Variants in RNF111 observed in about 807,000 individuals in gnomAD.
The protein encoded by RNF111 is ring finger protein 111, also known as E3 ubiquitin-protein ligase Arkadia.
Under a neutral mutation model 95.1 loss-of-function variants are expected in RNF111, and 17 were observed. The ratio of observed to expected loss-of-function variants is 0.18; its 90% CI spans 0.12 to 0.27. The LOEUF (loss-of-function observed/expected upper bound fraction) is 0.27. RNF111 is among the 10% of genes least tolerant of loss of function. The pLI, the probability that RNF111 is intolerant of heterozygous loss-of-function variation, is 1.00. For synonymous variants in RNF111, 440 were observed against 414.8 expected (o/e 1.06, Z -0.74); for missense variants, 1,189 against 1,210.4 (o/e 0.98, Z 0.26).
chr15:59,028,822 C>G (rs1177095210), intron 1 of RNF111, among the ~76,000 whole-genome samples: 1 of 148,828 alleles, frequency 6.7e-6, no homozygotes, highest in East Asian at 2.0e-4. Flanking sequence ...CTCTGTTGCT[C>G]AAGCTGGACT....
chr15:59,079,354 C>A (rs980527163), intron 7 of RNF111, among the ~76,000 whole-genome samples: 2 of 152,150 alleles, frequency 1.3e-5, no homozygotes, highest in Non-Finnish European at 2.9e-5. Context: ...GAGCTTTGTG[C>A]CTTCTTGAAG....
At chr15:58,989,259 A>G (rs1397107348) in intron 1 of RNF111, among the ~76,000 whole-genome samples, 1 of 152,228 alleles carries the variant, frequency 6.6e-6, no homozygotes, top group African/African-American at 2.4e-5. Context: ...GGTGAAACAG[A>G]TGGATAAGAA....
chr15:58,994,920 A>T (rs1413526859), intron 1 of RNF111, among the ~76,000 whole-genome samples: 1 of 152,226 alleles, frequency 6.6e-6, no homozygotes, highest in East Asian at 1.9e-4. Context: ...TTAAACTTTG[A>T]TAATATTAAT....
At chr15:59,026,781 A>G (rs1232357458) in intron 1 of RNF111, among the ~76,000 whole-genome samples, 1 of 152,190 alleles carries the variant, frequency 6.6e-6, no homozygotes, top group Non-Finnish European at 1.5e-5. Flanking sequence ...AAAAAATAGT[A>G]TGAATTACTC....
At chr15:59,060,709 G>T (rs2042396369) in intron 5 of RNF111, among the ~76,000 whole-genome samples, 1 of 152,038 alleles carries the variant, frequency 6.6e-6, no homozygotes, top group Non-Finnish European at 1.5e-5. Flanking sequence ...TAAGTACCTT[G>T]ACAAAACTGT....
chr15:59,092,219 A>G (rs1209115116), intron 12 of RNF111, among the ~76,000 whole-genome samples: 1 of 152,246 alleles, frequency 6.6e-6, no homozygotes, highest in Non-Finnish European at 1.5e-5. Context: ...AAACTTATTT[A>G]TGCTCATGGT....
chr15:59,095,346 C>T lies in RNF111; in HGVS notation c.*446C>T, dbSNP rs2079159789. ...TACTTTAGTTTAATGTATAAAGATC[C>T]TCTAGAAAATGATAATATTGTGTAT... On this transcript the variant is annotated 3_prime_UTR_variant, in exon 14 of 14. Transcript: ENST00000348370. The T allele has an allele frequency of 6.0e-6, 1 of 166,312 alleles. No homozygotes were observed. Among genetic ancestry groups the T allele is most frequent in the African/African-American group, 2.4e-5 (1 of 41,440 alleles). 10.3% of individuals were successfully genotyped at this position (166,312 alleles called of 1,614,324 possible).
At chr15:59,028,523 T>C (rs552159554) in intron 1 of RNF111, among the ~76,000 whole-genome samples, 23 of 152,302 alleles carry the variant, frequency 1.5e-4, no homozygotes, top group South Asian at 1.0e-3. Context: ...CTCTCTCTCA[T>C]AGTGTGAGTA....
chr15:59,045,685 T>G (rs2041676104), intron 2 of RNF111, among the ~76,000 whole-genome samples: 1 of 152,246 alleles, frequency 6.6e-6, no homozygotes, highest in South Asian at 2.1e-4. Context: ...CTTTTAGTTT[T>G]AAATGTACTT....
chr15:59,076,278 T>C, intron 7 of RNF111, 63 bp downstream of exon 7: 1 of 1,542,210 alleles, frequency 6.5e-7, no homozygotes. Flanking sequence ...TTGTACTTCC[T>C]TATGAAATAA....
At chr15:59,022,349 C>G (rs1473157046) in intron 1 of RNF111, among the ~76,000 whole-genome samples, 2 of 152,182 alleles carry the variant, frequency 1.3e-5, no homozygotes, top group Non-Finnish European at 2.9e-5. Context: ...ATGTGAAAGT[C>G]TGTCTAAATG....
At chr15:59,024,841 C>T (rs2040521522) in intron 1 of RNF111, among the ~76,000 whole-genome samples, 1 of 152,282 alleles carries the variant, frequency 6.6e-6, no homozygotes, top group Admixed American at 6.5e-5. Flanking sequence ...TCTCCCCCTC[C>T]CTCAGGTCCT....
chr15:59,058,379 T>G lies in RNF111; in HGVS notation c.1195T>G (p.Ser399Ala), dbSNP rs1218317167. ...EDEPTVVPTT[S>A]ARMESQATSA... ...AGAACCTACTGTAGTACCAACCACT[T>G]CTGCAAGAATGGAATCACAAGCTAC... Residue 399 changes from serine (S) to alanine (A), a missense_variant, in exon 5 of 14, where the codon TCT becomes GCT. Around this residue, in one of 2 missense-constraint regions of RNF111, gnomAD observed 1,024 missense variants for 925.9 expected, o/e 1.11. Coordinates refer to ENST00000348370, the MANE Select transcript of RNF111 (RefSeq NM_017610.8). 6.2e-7 allele frequency: 1 copy of G among 1,613,974 alleles called. No homozygotes were observed. The highest frequency in any genetic ancestry group is 8.5e-7 in the Non-Finnish European group (1 of 1,179,972).
chr15:59,045,147 A>T (rs2041644943), intron 2 of RNF111, among the ~76,000 whole-genome samples: 1 of 151,392 alleles, frequency 6.6e-6, no homozygotes, highest in African/African-American at 2.4e-5. Flanking sequence ...GGTGTTCGAT[A>T]ATGTTAGCTT....
At chr15:59,036,252 T>C (rs2041172067) in intron 2 of RNF111, among the ~76,000 whole-genome samples, 1 of 152,084 alleles carries the variant, frequency 6.6e-6, no homozygotes, top group East Asian at 1.9e-4. Context: ...GAGACTGGGT[T>C]TCACCATGGT....
At chr15:58,999,922 A>T (rs1187315509) in intron 1 of RNF111, among the ~76,000 whole-genome samples, 1 of 152,034 alleles carries the variant, frequency 6.6e-6, no homozygotes, top group Non-Finnish European at 1.5e-5. Context: ...ACACAATTTT[A>T]AAAAACCACA....
chr15:58,999,059 A>G (rs8040605), intron 1 of RNF111, among the ~76,000 whole-genome samples: 5,758 of 152,292 alleles, frequency 0.038, 185 homozygotes, highest in African/African-American at 0.086. Context: ...TTGGGGTAGT[A>G]TCAAAGAGGA....
At chr15:59,094,558 T>A (rs1002552372) in intron 13 of RNF111, among the ~76,000 whole-genome samples, 2 of 152,168 alleles carry the variant, frequency 1.3e-5, no homozygotes, top group Non-Finnish European at 2.9e-5. Flanking sequence ...TTCTTACAGT[T>A]TTTAAGATTT....
intron 1 of RNF111, among the ~76,000 whole-genome samples, chr15:59,028,540 G>GC (rs1807954833): frequency 6.6e-6 from 1 of 152,164 alleles, no homozygotes; most frequent in African/African-American, 2.4e-5. Context: ...AGTAACTGAA[G>GC]CTGTGGAAAG....
Sources: allele counts gnomAD v4.1 joint callset (sites outside exome capture counted in the v4.1 genomes callset), GRCh38; gene constraint gnomAD v4.1.1; regional missense constraint gnomAD v4.1.1; transcripts MANE v1.5; gene names NCBI Gene and HGNC (gene_info 2026-07-23, HGNC 2026-07-21).